CFAP54: variants seen among roughly 807,000 people sequenced by gnomAD.
CFAP54 encodes the protein cilia and flagella associated protein 54.
In CFAP54, 290 loss-of-function variants were observed where a neutral mutation model predicts 370.4. The observed-to-expected ratio is 0.78, with a 90% CI of 0.71 to 0.86. The LOEUF (loss-of-function observed/expected upper bound fraction) is 0.86. CFAP54 is among the 40% of genes least tolerant of loss of function. The pLI is 0.00. For synonymous variants in CFAP54, 1,206 were observed against 1,236.5 expected (o/e 0.98, Z 0.52); for missense variants, 3,399 against 3,528.7 (o/e 0.96, Z 0.93).
intron 66 of CFAP54, among the ~76,000 whole-genome samples, chr12:96,850,233 A>T (rs1959499251): frequency 6.6e-6 from 1 of 151,564 alleles, no homozygotes; most frequent in South Asian, 2.1e-4. Flanking sequence ...AAAAAAAAAA[A>T]AAAAAGTAGC....
intron 19 of CFAP54, among the ~76,000 whole-genome samples, chr12:96,575,803 C>G (rs1039095446): frequency 6.6e-6 from 1 of 152,002 alleles, no homozygotes; most frequent in South Asian, 2.1e-4. Flanking sequence ...ATGTAATGTC[C>G]AATTGTCCTA....
intron 65 of CFAP54, among the ~76,000 whole-genome samples, chr12:96,825,790 A>G (rs1212926859): frequency 7.7e-6 from 1 of 129,462 alleles, no homozygotes; most frequent in Non-Finnish European, 1.5e-5. Context: ...TATGTAACAT[A>G]GTATATATTA....
chr12:96,619,031 T>G (rs1420663659), intron 26 of CFAP54, among the ~76,000 whole-genome samples: 1 of 152,122 alleles, frequency 6.6e-6, no homozygotes, highest in Admixed American at 6.5e-5. Flanking sequence ...ACCTGGCTAA[T>G]TTTTGTATTT....
chr12:96,527,936 T>C (rs1565885564), intron 9 of CFAP54, among the ~76,000 whole-genome samples: 1 of 152,208 alleles, frequency 6.6e-6, no homozygotes, highest in African/African-American at 2.4e-5. Context: ...AATAATGTAT[T>C]AGTAGATTTT....
At chr12:96,654,087 A>G (rs944663472) in intron 36 of CFAP54, among the ~76,000 whole-genome samples, 1 of 152,244 alleles carries the variant, frequency 6.6e-6, no homozygotes, top group Non-Finnish European at 1.5e-5. Context: ...TGTACTAACA[A>G]ACTTGACTTC....
intron 36 of CFAP54, among the ~76,000 whole-genome samples, chr12:96,655,586 A>G (rs1007466593): frequency 6.6e-6 from 1 of 152,174 alleles, no homozygotes; most frequent in African/African-American, 2.4e-5. Context: ...AATACAGTGG[A>G]CAGAAGAACA....
chr12:96,639,623 C>T (rs1461061619), intron 32 of CFAP54, among the ~76,000 whole-genome samples: 2 of 152,020 alleles, frequency 1.3e-5, no homozygotes, highest in Non-Finnish European at 2.9e-5. Flanking sequence ...AGAGAGACAA[C>T]AAAAAAGGAG....
chr12:96,720,877 C>G (rs1456429496), intron 50 of CFAP54, among the ~76,000 whole-genome samples: 1 of 151,946 alleles, frequency 6.6e-6, no homozygotes, highest in African/African-American at 2.4e-5. Context: ...GAAAATTAAC[C>G]AGGCTTTGTG....
Position 96,489,679 on chromosome 12 carries a change from C to T in CFAP54, c.70C>T (p.Leu24=). The change falls in exon 1 of 68, where the codon CTG becomes TTG. Residue 24 remains leucine (L), a synonymous_variant. Coordinates refer to ENST00000524981, the MANE Select transcript of CFAP54 (RefSeq NM_001306084.2). ...DSTTSGSLPE[L]PPTSTATSRS... is the part of the protein sequence containing the mutation. ...TACCACCTCGGGGTCTCTGCCAGAA[C>T]TGCCGCCGACCTCCACCGCGACTTC... 1 of 1,535,914 alleles carries T rather than the reference C, an allele frequency of 6.5e-7. No individual in the cohort carries two copies. The highest frequency in any genetic ancestry group is 1.4e-5 in the African/African-American group (1 of 73,158).
rs1202518966 is a variant in CFAP54 at position 96,533,909 on chromosome 12, C to T, written c.1475C>T (p.Ala492Val). ...GCTGCTGTGAAATTTATAAAATTAG[C>T]TTTTACCTATGAGGAGTGGAGTTTA... ...VDAAVKFIKL[A>V]FTYEEWSLFE... The change falls in exon 10 of 68, where the codon GCT becomes GTT. Residue 492 changes from alanine (A) to valine (V), a missense_variant. By Grantham distance (64) the Ala-to-Val change is moderately conservative. This residue lies in a region of CFAP54 where 44 missense variants were observed against 82.3 expected (regional missense o/e 0.53). Transcript: ENST00000524981. 6.5e-7 allele frequency: 1 copy of T among 1,535,028 alleles called. No homozygotes were observed. The highest frequency in any genetic ancestry group is 8.7e-7 in the Non-Finnish European group (1 of 1,146,356).
rs140511195 is a variant in CFAP54 at position 96,798,689 on chromosome 12, C to T, written c.8850+6190C>T. On this transcript the variant is annotated intron_variant, in intron 63 of 67. Transcript: ENST00000524981. ...AACTTTTCTGCATCAAGGTTACCCT[C>T]ATCTGTAATTAGAGATAACTATAAA... Among the ~76,000 whole-genome samples, 118 of 152,252 alleles carry T rather than the reference C, an allele frequency of 7.8e-4. No homozygotes were observed. The East Asian group carries it at 0.02, about 26-fold the overall frequency.
chr12:96,565,704 T>C (rs1427297725), intron 19 of CFAP54, among the ~76,000 whole-genome samples: 1 of 152,190 alleles, frequency 6.6e-6, no homozygotes, highest in African/African-American at 2.4e-5. Flanking sequence ...TCATCTTCAA[T>C]GATGGGTGGG....
At chr12:96,699,875 TG>T in intron 45 of CFAP54, 95 bp from the exon 46 acceptor site, 1 of 1,014,506 alleles carries the variant, frequency 9.9e-7, no homozygotes, top group East Asian at 2.5e-5. Flanking sequence ...GCAGAAACTT[TG>T]GATCTCAGAA....
intron 45 of CFAP54, among the ~76,000 whole-genome samples, chr12:96,697,199 C>T (rs533121876): frequency 1.3e-5 from 2 of 152,220 alleles, no homozygotes; most frequent in East Asian, 1.9e-4. Context: ...AAATATATGT[C>T]CATTATTTAC....
intron 66 of CFAP54, among the ~76,000 whole-genome samples, chr12:96,834,460 C>A (rs1959179824): frequency 6.6e-6 from 1 of 152,238 alleles, no homozygotes; most frequent in Non-Finnish European, 1.5e-5. Flanking sequence ...ATTGTGTGAG[C>A]AAGCATGGGG....
At chr12:96,597,512 A>G (rs1956192469) in intron 25 of CFAP54, among the ~76,000 whole-genome samples, 1 of 152,040 alleles carries the variant, frequency 6.6e-6, no homozygotes, top group Admixed American at 6.6e-5. Context: ...AAAGAGAAGT[A>G]ACAGTACCCC....
chr12:96,558,780 A>G (rs1035779107), intron 17 of CFAP54, among the ~76,000 whole-genome samples: 17 of 152,212 alleles, frequency 1.1e-4, no homozygotes, highest in Non-Finnish European at 5.9e-5. Flanking sequence ...AACTACTCCA[A>G]GATACCATTG....
rs569210517 is a variant in CFAP54, at chr12:96,636,368, T to C, written c.4316+5717T>C. ...TATTTTTCTAAAAAATTGTCCATTTTATCTAAAAAATTATCCATTTTATCT... is the reference window on the plus strand; with the variant it reads ...TATTTTTCTAAAAAATTGTCCATTTCATCTAAAAAATTATCCATTTTATCT... On this transcript the variant is annotated intron_variant, in intron 32 of 67. Transcript: ENST00000524981. 3.0e-4 allele frequency among the ~76,000 whole-genome samples: 45 copies of C among 152,340 alleles called. 1 individual carries two copies. The highest frequency in any genetic ancestry group is 1.1e-3 in the African/African-American group (44 of 41,586).
chr12:96,816,500 C>G (rs1205723052), intron 64 of CFAP54, among the ~76,000 whole-genome samples: 1 of 152,046 alleles, frequency 6.6e-6, no homozygotes, highest in Non-Finnish European at 1.5e-5. Flanking sequence ...AAATTCAAAT[C>G]CTCTTATATG....
Sources: gnomAD v4.1 joint callset for allele counts (sites outside exome capture counted in the v4.1 genomes callset) on GRCh38, gnomAD v4.1.1 for gene constraint, gnomAD v4.1.1 regional missense constraint, MANE v1.5 for transcripts, NCBI Gene and HGNC (gene_info 2026-07-23, HGNC 2026-07-21) for gene names.